FAM219A: variants seen among roughly 807,000 people sequenced by gnomAD.
FAM219A encodes protein FAM219A.
FAM219A carries 7 observed loss-of-function variants against 23.4 expected under a neutral mutation model. The observed-to-expected ratio is 0.30, with a 90% CI of 0.17 to 0.56. The LOEUF (loss-of-function observed/expected upper bound fraction) is 0.56, where lower values mean the gene tolerates loss of function less well. Ranked by LOEUF, FAM219A falls within the 20% of genes least tolerant of loss-of-function variation. The pLI is 0.92. For synonymous variants in FAM219A, 93 were observed against 99.0 expected, an observed-to-expected ratio of 0.94 and a Z score of 0.36; for missense variants, 166 against 246.9, an observed-to-expected ratio of 0.67 and a Z score of 2.20.
chr9:34,407,715 T>C (rs891763791), intron 1 of FAM219A, among the ~76,000 whole-genome samples: 1 of 152,166 alleles, frequency 6.6e-6, no homozygotes, highest in Admixed American at 6.5e-5. Context: ...CCAGGGCCTG[T>C]AGATTGCTAA....
At chr9:34,443,706 C>T (rs1823267711) in intron 1 of FAM219A, among the ~76,000 whole-genome samples, 1 of 152,142 alleles carries the variant, frequency 6.6e-6, no homozygotes, top group South Asian at 2.1e-4. Context: ...GCCTACTTAC[C>T]ACTGCTGTGC....
chr9:34,440,561 C>A (rs914521798), intron 1 of FAM219A, among the ~76,000 whole-genome samples: 28 of 150,604 alleles, frequency 1.9e-4, no homozygotes, highest in African/African-American at 6.3e-4. Flanking sequence ...TAAAAAAAAA[C>A]AATTTTTGGC....
At chr9:34,430,615 T>C (rs1346621975) in intron 1 of FAM219A, among the ~76,000 whole-genome samples, 1 of 114,118 alleles carries the variant, frequency 8.8e-6, no homozygotes, top group Non-Finnish European at 1.6e-5. Context: ...CCAGCCTGGG[T>C]GACAGAGCAA....
chr9:34,402,725 G>T lies in FAM219A; in HGVS notation c.243C>A (p.Asn81Lys). The part of the protein sequence containing the change: ...GSPVNQQPKK[N>K]NVMARTRLVV... ...TCTACCTTGTTCGGGCCATGACATT[G>T]TTCTTCTTGGGTTGCTGGTTGACAG... The change falls in exon 3 of 6, where the codon AAC (asparagine) becomes AAA (lysine). Residue 81 changes from asparagine to lysine, a missense_variant. Physicochemically the swap from Asn to Lys is moderately conservative, Grantham distance 94. This residue lies in a region of FAM219A where 89 missense variants were observed against 98.8 expected (regional missense o/e 0.90). Coordinates refer to ENST00000651358, the MANE Select transcript of FAM219A (RefSeq NM_001184940.2). 6.2e-7 allele frequency: 1 copy of T among 1,614,172 alleles called. No homozygotes were observed. Among genetic ancestry groups the T allele is most frequent in the Non-Finnish European group, 8.5e-7 (1 of 1,180,002 alleles).
At chr9:34,428,190 C>G (rs73645594) in intron 1 of FAM219A, among the ~76,000 whole-genome samples, 73 of 152,290 alleles carry the variant, frequency 4.8e-4, no homozygotes, top group African/African-American at 1.7e-3. Flanking sequence ...TTTCTGACAA[C>G]CTGGTTCTTG....
At chr9:34,436,160 A>G (rs1822907463) in intron 1 of FAM219A, among the ~76,000 whole-genome samples, 1 of 151,864 alleles carries the variant, frequency 6.6e-6, no homozygotes, top group Non-Finnish European at 1.5e-5. Context: ...GCTACTAATA[A>G]CTATTATAAT....
intron 1 of FAM219A, among the ~76,000 whole-genome samples, chr9:34,412,226 T>C (rs1181988047): frequency 6.6e-6 from 1 of 151,842 alleles, no homozygotes; most frequent in South Asian, 2.1e-4. Flanking sequence ...CAAGAGATAA[T>C]AGGGGCCTGA....
At chr9:34,436,544 C>G (rs189011494) in intron 1 of FAM219A, among the ~76,000 whole-genome samples, 2 of 152,336 alleles carry the variant, frequency 1.3e-5, no homozygotes, top group East Asian at 3.9e-4. Context: ...CAGAGCCTGG[C>G]CTATGATAAT....
intron 1 of FAM219A, among the ~76,000 whole-genome samples, chr9:34,445,200 G>C (rs1434609655): frequency 6.6e-6 from 1 of 151,954 alleles, no homozygotes; most frequent in Non-Finnish European, 1.5e-5. Context: ...ATCTTTAAAG[G>C]AGCCAGCTGT....
At chr9:34,453,871 A>G (rs1475883013) in intron 1 of FAM219A, among the ~76,000 whole-genome samples, 1 of 152,240 alleles carries the variant, frequency 6.6e-6, no homozygotes, top group East Asian at 1.9e-4. Context: ...GCAGACAGAC[A>G]ATAGGGCCAG....
At chr9:34,454,293 G>A (rs1191361409) in intron 1 of FAM219A, among the ~76,000 whole-genome samples, 1 of 152,192 alleles carries the variant, frequency 6.6e-6, no homozygotes, top group Non-Finnish European at 1.5e-5. Flanking sequence ...AAAATTAGCT[G>A]GGCGTGGTGG....
chr9:34,456,326 G>A (rs575717741), intron 1 of FAM219A, among the ~76,000 whole-genome samples: 1 of 152,364 alleles, frequency 6.6e-6, no homozygotes, highest in Non-Finnish European at 1.5e-5. Flanking sequence ...ACACAGACCG[G>A]AAGCAGCTCA....
chr9:34,398,277 T>C lies in FAM219A; in HGVS notation c.*2687A>G, dbSNP rs1042063678. 1 of 1,550,470 alleles carries C rather than the reference T, an allele frequency of 6.4e-7. No homozygotes were observed. The highest frequency in any genetic ancestry group is 1.2e-5 in the South Asian group (1 of 84,052). ...ACTGCAATGAAAATGTTAAAAAAAA[T>C]ATTATACACGGCTCATGTCTTCCAC... On this transcript the variant is annotated 3_prime_UTR_variant, in exon 6 of 6. Coordinates refer to ENST00000651358, the MANE Select transcript of FAM219A (RefSeq NM_001184940.2).
rs1382010762 is a variant in FAM219A at position 34,457,467 on chromosome 9, A to C, written c.60+737T>G. ...CGCCCAGCAAGGACTTCAGGCACGTAGGCCTAAGATGATGGGGGCTCTTCC... is the reference window on the plus strand; with the variant it reads ...CGCCCAGCAAGGACTTCAGGCACGTCGGCCTAAGATGATGGGGGCTCTTCC... On this transcript the variant is annotated intron_variant, in intron 1 of 5. Coordinates refer to ENST00000651358, the MANE Select transcript of FAM219A (RefSeq NM_001184940.2). This position sits in a 1 kb window ranked among gnomAD's most constrained non-coding sequence, Gnocchi z 5.1. 1 of 152,386 alleles carries C rather than the reference A, an allele frequency of 6.6e-6. No individual in the cohort carries two copies. The highest frequency in any genetic ancestry group is 1.5e-5 in the Non-Finnish European group (1 of 68,108). 9.4% of individuals were successfully genotyped at this position (152,386 alleles called of 1,614,324 possible).
rs187129480 is a variant in FAM219A, at chr9:34,441,122, C to T, written c.60+17082G>A. Among the ~76,000 whole-genome samples the T allele has an allele frequency of 1.1e-3, 168 of 152,302 alleles. 2 individuals carry two copies. The highest frequency in any genetic ancestry group is 4.0e-3 in the African/African-American group (166 of 41,590). ...CCCCATCCCTTCCCCCAACCTCTCCCGGCTTGTAGCCCAGCTAAACAGGAA... is the reference window on the plus strand; with the variant it reads ...CCCCATCCCTTCCCCCAACCTCTCCTGGCTTGTAGCCCAGCTAAACAGGAA... On this transcript the variant is annotated intron_variant, in intron 1 of 5. Coordinates refer to ENST00000651358, the MANE Select transcript of FAM219A (RefSeq NM_001184940.2).
chr9:34,406,994 G>A (rs373194307), intron 1 of FAM219A, among the ~76,000 whole-genome samples: 10 of 152,068 alleles, frequency 6.6e-5, no homozygotes, highest in African/African-American at 2.4e-4. Flanking sequence ...GTAGAGACGG[G>A]GTTTCACCAT....
intron 1 of FAM219A, among the ~76,000 whole-genome samples, chr9:34,428,874 C>G (rs2131978084): frequency 6.6e-6 from 1 of 152,374 alleles, no homozygotes; most frequent in South Asian, 2.1e-4. Context: ...AGGGCCTCTG[C>G]TGGAAGCTGG....
rs1267531362 is a variant in FAM219A at position 34,398,743 on chromosome 9, TG to T, written c.*2220del. 1.3e-5 allele frequency: 2 copies of T among 151,794 alleles called. No individual in the cohort carries two copies. The highest frequency in any genetic ancestry group is 6.1e-5 in the African/African-American group (2 of 32,942). The allele number at this position is 151,794 out of a possible 1,614,324, so 9.4% of individuals were successfully genotyped here. On this transcript the variant is annotated 3_prime_UTR_variant, in exon 6 of 6. Coordinates refer to ENST00000651358, the MANE Select transcript of FAM219A (RefSeq NM_001184940.2). ...GGTGAGCCAAGGAGCCCCGGGGTGG[TG>T]GTGGTGGTAGTGGGAGGGCTGGCTC... is the stretch of plus-strand genomic sequence containing the variant.
chr9:34,428,212 A>G (rs941126202), intron 1 of FAM219A, among the ~76,000 whole-genome samples: 2 of 152,210 alleles, frequency 1.3e-5, no homozygotes, highest in East Asian at 1.9e-4. Context: ...AACCATGTTC[A>G]ACAGGCAGTA....
Sources: gnomAD v4.1 joint callset for allele counts (sites outside exome capture counted in the v4.1 genomes callset) on GRCh38, gnomAD v4.1.1 for gene constraint, gnomAD v4.1.1 regional missense constraint, Gnocchi (gnomAD v3.1) non-coding constraint, MANE v1.5 for transcripts, NCBI Gene and HGNC (gene_info 2026-07-23, HGNC 2026-07-21) for gene names.